Variants in BICD1 observed in about 807,000 individuals in gnomAD.
BICD1 encodes protein bicaudal D homolog 1.
Under a neutral mutation model 92.5 loss-of-function variants are expected in BICD1, and 35 were observed. The ratio of observed to expected loss-of-function variants is 0.38; its 90% confidence interval spans 0.29 to 0.50. The LOEUF is 0.50. BICD1 is among the 20% of genes least tolerant of loss of function. The pLI is 0.93. For missense variants in BICD1, 950 were observed against 1,189.8 expected (o/e 0.80, Z 2.97); for synonymous variants, 429 against 465.1 (o/e 0.92, Z 1.00).
intron 4 of BICD1, among the ~76,000 whole-genome samples, chr12:32,316,437 C>T (rs868336065): frequency 7.3e-5 from 11 of 151,526 alleles, no homozygotes; most frequent in Admixed American, 2.0e-4. Flanking sequence ...AATACAGGCA[C>T]GTGCCACCAC....
rs145948831 is a variant in BICD1 at position 32,276,704 on chromosome 12, A to G, written c.427-17290A>G. 4.5e-3 allele frequency among the ~76,000 whole-genome samples: 688 copies of G among 152,308 alleles called. 4 individuals are homozygous for G. The highest frequency in any genetic ancestry group is 0.016 in the African/African-American group (660 of 41,564). ...AAAAAAAAAGAATCTTCAAATGGCT[A>G]TTGATGCTAAAGAAAGTTCTGAAGG... On this transcript the variant is annotated intron_variant, in intron 2 of 9. Coordinates refer to ENST00000652176, the MANE Select transcript of BICD1 (RefSeq NM_001714.4).
At chr12:32,117,733 CACAT>C (rs1441477099) in intron 1 of BICD1, among the ~76,000 whole-genome samples, 13 of 127,562 alleles carry the variant, frequency 1.0e-4, no homozygotes, top group South Asian at 2.5e-4. Flanking sequence ...CACACACACA[CACAT>C]ATATATATAT....
intron 1 of BICD1, among the ~76,000 whole-genome samples, chr12:32,149,479 T>C (rs1163531532): frequency 6.6e-6 from 1 of 152,244 alleles, no homozygotes; most frequent in Non-Finnish European, 1.5e-5. Context: ...TATTGCTTCA[T>C]GTTGCAAAAT....
At chr12:32,307,095 TA>T (rs1948250697) in intron 4 of BICD1, among the ~76,000 whole-genome samples, 1 of 152,164 alleles carries the variant, frequency 6.6e-6, no homozygotes, top group African/African-American at 2.4e-5. Flanking sequence ...AAGCTTTATA[TA>T]CAAGTAAAAT....
chr12:32,329,623 T>G (rs1171951165), intron 5 of BICD1, among the ~76,000 whole-genome samples: 1 of 152,188 alleles, frequency 6.6e-6, no homozygotes, highest in Non-Finnish European at 1.5e-5. Context: ...AAGAATGAGC[T>G]CTACCTGTGC....
At chr12:32,136,311 A>C (rs528941223) in intron 1 of BICD1, among the ~76,000 whole-genome samples, 1 of 152,326 alleles carries the variant, frequency 6.6e-6, no homozygotes, top group African/African-American at 2.4e-5. Context: ...CACACTGTTA[A>C]ATAATTACTT....
intron 2 of BICD1, among the ~76,000 whole-genome samples, chr12:32,263,060 G>A (rs1404490620): frequency 5.9e-5 from 9 of 151,938 alleles, no homozygotes; most frequent in East Asian, 5.8e-4. Context: ...ACCTGAGCCC[G>A]GGCAGCCAAG....
At chr12:32,179,031 T>C (rs534449996) in intron 1 of BICD1, among the ~76,000 whole-genome samples, 76 of 152,106 alleles carry the variant, frequency 5.0e-4, no homozygotes, top group African/African-American at 1.8e-3. Flanking sequence ...GCCACCTTTT[T>C]CCACATACGA....
intron 5 of BICD1, among the ~76,000 whole-genome samples, chr12:32,329,445 G>T (rs997304519): frequency 6.6e-6 from 1 of 152,160 alleles, no homozygotes; most frequent in Non-Finnish European, 1.5e-5. Flanking sequence ...CCCAAACTTA[G>T]AGAAACAAGA....
chr12:32,131,542 G>T (rs961951988), intron 1 of BICD1, among the ~76,000 whole-genome samples: 1 of 152,066 alleles, frequency 6.6e-6, no homozygotes, highest in Non-Finnish European at 1.5e-5. Context: ...CAGTTGCATG[G>T]TGATTTGGGA....
At chr12:32,210,441 G>A (rs955623252) in intron 1 of BICD1, among the ~76,000 whole-genome samples, 2 of 151,870 alleles carry the variant, frequency 1.3e-5, no homozygotes, top group Admixed American at 6.6e-5. Context: ...AAGAATAATG[G>A]GTACGAAATT....
chr12:32,286,881 T>G (rs1239403), intron 2 of BICD1, among the ~76,000 whole-genome samples: 1 of 151,994 alleles, frequency 6.6e-6, no homozygotes, highest in Non-Finnish European at 1.5e-5. Context: ...AAATATAAAA[T>G]GTATAAAAAG....
At chr12:32,281,636 G>A (rs1947413856) in intron 2 of BICD1, among the ~76,000 whole-genome samples, 1 of 152,086 alleles carries the variant, frequency 6.6e-6, no homozygotes, top group Admixed American at 6.6e-5. Flanking sequence ...ACATGGAATG[G>A]ATGTCACCAA....
chr12:32,340,594 CA>C, intron 8 of BICD1: 1 of 761,324 alleles, frequency 1.3e-6, no homozygotes, highest in Non-Finnish European at 1.6e-6. Flanking sequence ...AATTAATAAT[CA>C]ATGTTAACAA....
intron 1 of BICD1, among the ~76,000 whole-genome samples, chr12:32,117,707 T>TGTAC: frequency 1.6e-5 from 1 of 63,536 alleles, no homozygotes; most frequent in Non-Finnish European, 2.8e-5. Context: ...TACACAAATA[T>TGTAC]ATATACACAC....
At chr12:32,297,799 G>A (rs1482440113) in intron 3 of BICD1, among the ~76,000 whole-genome samples, 5 of 92,962 alleles carry the variant, frequency 5.4e-5, no homozygotes, top group Non-Finnish European at 1.0e-4. Flanking sequence ...TTTCTATAAA[G>A]AGTCTATTTA....
intron 2 of BICD1, among the ~76,000 whole-genome samples, chr12:32,240,486 A>C (rs1388075615): frequency 6.6e-6 from 1 of 152,144 alleles, no homozygotes; most frequent in Non-Finnish European, 1.5e-5. Flanking sequence ...GCCGTGTAGC[A>C]TCTTGTTTCA....
chr12:32,266,331 C>A (rs1946995204), intron 2 of BICD1, among the ~76,000 whole-genome samples: 1 of 152,130 alleles, frequency 6.6e-6, no homozygotes. Context: ...AAAATGTGGT[C>A]ATTGTCAATT....
At chr12:32,319,059 T>C (rs578067859) in intron 4 of BICD1, among the ~76,000 whole-genome samples, 8 of 152,362 alleles carry the variant, frequency 5.3e-5, no homozygotes, top group African/African-American at 1.9e-4. Flanking sequence ...GAATTTCTAT[T>C]AATATTTACA....
Sources: allele counts gnomAD v4.1 joint callset (sites outside exome capture counted in the v4.1 genomes callset), GRCh38; gene constraint gnomAD v4.1.1; transcripts MANE v1.5; gene names NCBI Gene and HGNC (gene_info 2026-07-23, HGNC 2026-07-21).